Variants in HECTD2 observed in about 807,000 individuals in gnomAD.
HECTD2 encodes HECT domain E3 ubiquitin protein ligase 2, also known as probable E3 ubiquitin-protein ligase HECTD2.
A neutral mutation model predicts 103.2 loss-of-function variants in HECTD2; 35 were observed. The ratio of observed to expected loss-of-function variants is 0.34; its 90% CI spans 0.26 to 0.45. The LOEUF is 0.45. Ranked by LOEUF, HECTD2 falls within the 20% of genes least tolerant of loss-of-function variation. HECTD2 has a pLI of 1.00. For synonymous variants in HECTD2, 281 were observed against 329.9 expected (o/e 0.85, Z 1.61); for missense variants, 596 against 937.4 (o/e 0.64, Z 4.76).
intron 5 of HECTD2, among the ~76,000 whole-genome samples, chr10:91,474,995 G>A (rs920241839): frequency 2.6e-5 from 4 of 152,220 alleles, no homozygotes; most frequent in African/African-American, 9.6e-5. Flanking sequence ...GGCAAATTCA[G>A]AAATAAGGCT....
At position 91,501,314 on chromosome 10, in the gene HECTD2, G is replaced by A. The variant is rs1846890128; in HGVS notation, c.2190G>A (p.Lys730=). The A allele has an allele frequency of 6.3e-7, 1 of 1,598,204 alleles. No homozygotes were observed. Among genetic ancestry groups the A allele is most frequent in the Non-Finnish European group, 8.5e-7 (1 of 1,172,514 alleles). ...CTGATTTGAACTTTAAAATCTCAAAGAATGAAACTTCTACTAACTGGTAAA... is the reference window on the plus strand; with the variant it reads ...CTGATTTGAACTTTAAAATCTCAAAAAATGAAACTTCTACTAACTGGTAAA... The part of the protein sequence containing the change: ...GMADLNFKIS[K]NETSTNCLPV... The change falls in exon 20 of 21, where the codon AAG becomes AAA. Residue 730 remains lysine (K), a synonymous_variant. Transcript: ENST00000298068.
chr10:91,475,762 A>G (rs1845878431), intron 5 of HECTD2, among the ~76,000 whole-genome samples: 3 of 152,314 alleles, frequency 2.0e-5, no homozygotes, highest in South Asian at 2.1e-4. Context: ...GTTATTTACA[A>G]AGTTGTTAGC....
At chr10:91,445,040 C>T (rs1844540758) in intron 2 of HECTD2, among the ~76,000 whole-genome samples, 1 of 151,996 alleles carries the variant, frequency 6.6e-6, no homozygotes, top group South Asian at 2.1e-4. Flanking sequence ...GCAGTATATT[C>T]AAAAATGTAA....
chr10:91,449,153 G>A (rs923225598), intron 2 of HECTD2, among the ~76,000 whole-genome samples: 6 of 152,068 alleles, frequency 3.9e-5, no homozygotes, highest in African/African-American at 1.4e-4. Context: ...ACCAAATGTA[G>A]CAGCGCATCA....
At position 91,489,239 on chromosome 10, in the gene HECTD2, G is replaced by A. The variant is rs1223208812; in HGVS notation, c.1191+1461G>A. ...TTTTCTACAGAGCATGCAAACGAAT[G>A]AGTAGACACTTGACATTGAGAGCTA... On this transcript the variant is annotated intron_variant, in intron 11 of 20. Transcript: ENST00000298068. 2.0e-5 allele frequency: 3 copies of A among 152,144 alleles called. No individual in the cohort carries two copies. The East Asian group carries it at 5.8e-4, about 29-fold the overall frequency. The allele number at this position is 152,144 out of a possible 1,614,324, so 9.4% of individuals were successfully genotyped here.
chr10:91,497,126 A>ATT (rs56923120), intron 15 of HECTD2, among the ~76,000 whole-genome samples: 18 of 97,356 alleles, frequency 1.8e-4, no homozygotes, highest in South Asian at 3.1e-4. Context: ...TGCCCGGCAA[A>ATT]TTTTTTTTTT....
chr10:91,495,010 C>T (rs1164009405), intron 14 of HECTD2, among the ~76,000 whole-genome samples: 3 of 151,786 alleles, frequency 2.0e-5, no homozygotes, highest in Admixed American at 6.6e-5. Flanking sequence ...CCCAAAAGAG[C>T]ATATTAAGCA....
intron 1 of HECTD2, among the ~76,000 whole-genome samples, chr10:91,421,193 A>T (rs1055164364): frequency 6.6e-6 from 1 of 152,132 alleles, no homozygotes; most frequent in Non-Finnish European, 1.5e-5. Flanking sequence ...CAAGATTCAT[A>T]GTTGCCCATT....
chr10:91,421,156 C>T (rs1392853516), intron 1 of HECTD2, among the ~76,000 whole-genome samples: 1 of 152,164 alleles, frequency 6.6e-6, no homozygotes, highest in East Asian at 1.9e-4. Context: ...ACCACCATTA[C>T]CCTAAATCTG....
chr10:91,416,374 GT>G (rs1370966001), intron 1 of HECTD2, among the ~76,000 whole-genome samples: 1 of 152,200 alleles, frequency 6.6e-6, no homozygotes, highest in Non-Finnish European at 1.5e-5. Flanking sequence ...ACATAACAAT[GT>G]TCTAGTCAAT....
At chr10:91,461,768 C>T (rs1340751367) in intron 4 of HECTD2, among the ~76,000 whole-genome samples, 2 of 152,124 alleles carry the variant, frequency 1.3e-5, no homozygotes, top group East Asian at 1.9e-4. Context: ...AGGCTGGTCT[C>T]GAACTCCCGA....
Position 91,475,536 on chromosome 10 carries a change from A to T in HECTD2, c.601-2665A>T, listed in dbSNP as rs554525876. 8.2e-3 allele frequency among the ~76,000 whole-genome samples: 1,247 copies of T among 152,258 alleles called. 19 individuals carry two copies. Among genetic ancestry groups the T allele is most frequent in the African/African-American group, 0.029 (1,201 of 41,498 alleles). On this transcript the variant is annotated intron_variant, in intron 5 of 20. Coordinates refer to ENST00000298068, the MANE Select transcript of HECTD2 (RefSeq NM_182765.6). The stretch of plus-strand genomic sequence containing the variant: ...TAAGCTATAGATAATTGATGACTTT[A>T]ATAAGAGTCTAGTAAGACTTTAATA...
At chr10:91,445,645 G>A (rs1844571972) in intron 2 of HECTD2, among the ~76,000 whole-genome samples, 1 of 152,080 alleles carries the variant, frequency 6.6e-6, no homozygotes, top group South Asian at 2.1e-4. Context: ...TGAGATCAAC[G>A]CAGAAGGCAG....
chr10:91,512,453 T>G lies in HECTD2; in HGVS notation c.*69T>G. ...TCCCTCTTACTGTGCCTTTAGCCTT[T>G]TCATGTTTCTGTCTCAAAACACTTT... is the stretch of plus-strand genomic sequence containing the variant. On this transcript the variant is annotated 3_prime_UTR_variant, in exon 21 of 21. Transcript: ENST00000298068. 7.4e-7 allele frequency: 1 copy of G among 1,349,034 alleles called. No individual in the cohort carries two copies. The highest frequency in any genetic ancestry group is 2.0e-5 in the Admixed American group (1 of 49,316). The allele number at this position is 1,349,034 out of a possible 1,614,324, so 83.6% of individuals were successfully genotyped here.
intron 1 of HECTD2, among the ~76,000 whole-genome samples, chr10:91,419,049 G>A (rs1843245137): frequency 1.3e-5 from 2 of 152,104 alleles, no homozygotes; most frequent in Non-Finnish European, 2.9e-5. Context: ...AAGATAGTGA[G>A]ATACGGCTTT....
chr10:91,424,366 G>C (rs1327922407), intron 1 of HECTD2, among the ~76,000 whole-genome samples: 1 of 152,110 alleles, frequency 6.6e-6, no homozygotes, highest in East Asian at 1.9e-4. Context: ...AATCAGTCTG[G>C]TGAATTAAGA....
chr10:91,420,086 T>C (rs1261046849), intron 1 of HECTD2, among the ~76,000 whole-genome samples: 1 of 152,164 alleles, frequency 6.6e-6, no homozygotes, highest in African/African-American at 2.4e-5. Context: ...GGTTGTAAGA[T>C]TTCTCTTGTA....
intron 2 of HECTD2, among the ~76,000 whole-genome samples, 197 bp from the exon 3 acceptor site, chr10:91,460,230 A>G: frequency 6.6e-6 from 1 of 152,112 alleles, no homozygotes; most frequent in African/African-American, 2.4e-5. Flanking sequence ...ATACAGCCTA[A>G]TATGTGTTGT....
At chr10:91,456,455 A>G (rs903389726) in intron 2 of HECTD2, among the ~76,000 whole-genome samples, 1 of 152,210 alleles carries the variant, frequency 6.6e-6, no homozygotes, top group East Asian at 1.9e-4. Context: ...GAAGTTGCTT[A>G]TCAGCTTAAG....
Sources: allele counts gnomAD v4.1 joint callset (sites outside exome capture counted in the v4.1 genomes callset), GRCh38; gene constraint gnomAD v4.1.1; transcripts MANE v1.5; gene names NCBI Gene and HGNC (gene_info 2026-07-23, HGNC 2026-07-21).